TBC1D14: variants seen among roughly 807,000 people sequenced by gnomAD.
TBC1D14 encodes TBC1 domain family member 14.
Under a neutral mutation model 79.0 loss-of-function variants are expected in TBC1D14, and 26 were observed. That is an observed-to-expected ratio of 0.33 (90% confidence interval 0.24 to 0.46). The LOEUF (loss-of-function observed/expected upper bound fraction) is 0.46. TBC1D14 is among the 20% of genes least tolerant of loss of function. The pLI is 1.00. For missense variants in TBC1D14, 769 were observed against 887.6 expected, an observed-to-expected ratio of 0.87 and a Z score of 1.70; for synonymous variants, 394 against 349.9, an observed-to-expected ratio of 1.13 and a Z score of -1.40.
intron 3 of TBC1D14, among the ~76,000 whole-genome samples, chr4:6,972,749 CTT>C (rs1270660906): frequency 6.6e-6 from 1 of 152,222 alleles, no homozygotes; most frequent in Non-Finnish European, 1.5e-5. Flanking sequence ...TATTCTCTCT[CTT>C]GGACACCCCT....
intron 12 of TBC1D14, among the ~76,000 whole-genome samples, chr4:7,016,539 T>C (rs1024951365): frequency 6.6e-6 from 1 of 152,240 alleles, no homozygotes; most frequent in African/African-American, 2.4e-5. Context: ...GATTAGTTTC[T>C]TAGGATTCTA....
At chr4:7,024,983 A>G in intron 12 of TBC1D14, 21 bp from the exon 13 acceptor site, 1 of 1,610,496 alleles carries the variant, frequency 6.2e-7, no homozygotes, top group Non-Finnish European at 8.5e-7. Flanking sequence ...AATCTGAAAA[A>G]TTCCAACTTT....
intron 2 of TBC1D14, among the ~76,000 whole-genome samples, chr4:6,964,315 C>T (rs757274687): frequency 4.6e-5 from 7 of 152,168 alleles, no homozygotes; most frequent in African/African-American, 9.7e-5. Context: ...CCCCACACTC[C>T]GCGGCTTCTG....
At chr4:6,998,316 C>T (rs1719278934) in intron 5 of TBC1D14, among the ~76,000 whole-genome samples, 1 of 149,970 alleles carries the variant, frequency 6.7e-6, no homozygotes, top group Non-Finnish European at 1.5e-5. Context: ...GCCAAGATTG[C>T]ATCACTGCAC....
chr4:6,967,498 G>A, intron 3 of TBC1D14, 74 bp downstream of exon 3: 2 of 1,544,804 alleles, frequency 1.3e-6, no homozygotes, highest in South Asian at 2.4e-5. Context: ...TTGCAAAAAT[G>A]ACCATATTGA....
intron 1 of TBC1D14, among the ~76,000 whole-genome samples, chr4:6,923,069 C>T (rs1326864938): frequency 3.9e-5 from 6 of 152,170 alleles, no homozygotes; most frequent in South Asian, 2.1e-4. Context: ...GGCGTGGAAG[C>T]GCATGCCTGT....
intron 5 of TBC1D14, chr4:6,998,853 C>T: frequency 2.1e-6 from 1 of 473,190 alleles, no homozygotes; most frequent in Non-Finnish European, 3.8e-6. Flanking sequence ...GAATCGTATT[C>T]TTCTTTGTGT....
chr4:6,949,295 T>G (rs1713793520), intron 2 of TBC1D14, among the ~76,000 whole-genome samples: 1 of 152,178 alleles, frequency 6.6e-6, no homozygotes, highest in Admixed American at 6.5e-5. Flanking sequence ...CTATATAGAT[T>G]TTAGAATCAG....
At chr4:7,021,199 C>G (rs1301307631) in intron 12 of TBC1D14, among the ~76,000 whole-genome samples, 1 of 152,226 alleles carries the variant, frequency 6.6e-6, no homozygotes, top group Non-Finnish European at 1.5e-5. Flanking sequence ...TCAGCAAAAA[C>G]TGCCCCTTTC....
chr4:7,011,450 A>G (rs1720763232), intron 11 of TBC1D14, among the ~76,000 whole-genome samples: 1 of 152,284 alleles, frequency 6.6e-6, no homozygotes, highest in African/African-American at 2.4e-5. Flanking sequence ...TGGTAAGTGG[A>G]GGAGCTGAGA....
chr4:6,923,261 T>C (rs1724008253), intron 1 of TBC1D14, 112 bp from the exon 2 acceptor site: 4 of 1,290,882 alleles, frequency 3.1e-6, no homozygotes, highest in Non-Finnish European at 3.1e-6. Flanking sequence ...ATGTGGAACC[T>C]TTTCAAGGCT....
intron 3 of TBC1D14, among the ~76,000 whole-genome samples, chr4:6,993,093 C>T (rs1718671452): frequency 6.6e-6 from 1 of 152,192 alleles, no homozygotes; most frequent in African/African-American, 2.4e-5. Flanking sequence ...CGCCTCTTGA[C>T]AGCTAGTTTC....
chr4:6,952,622 C>T (rs1714144170), intron 2 of TBC1D14, among the ~76,000 whole-genome samples: 1 of 152,234 alleles, frequency 6.6e-6, no homozygotes, highest in Non-Finnish European at 1.5e-5. Context: ...GCTTCTCATC[C>T]TGTGCCTCTC....
At chr4:6,972,415 G>A (rs1040760946) in intron 3 of TBC1D14, among the ~76,000 whole-genome samples, 1 of 152,154 alleles carries the variant, frequency 6.6e-6, no homozygotes, top group African/African-American at 2.4e-5. Flanking sequence ...TTGGCCATCA[G>A]CAGCATTACC....
intron 2 of TBC1D14, among the ~76,000 whole-genome samples, chr4:6,941,884 A>G (rs946350536): frequency 3.9e-5 from 6 of 152,188 alleles, no homozygotes; most frequent in African/African-American, 1.4e-4. Flanking sequence ...GTCCTTTGCC[A>G]GCCCACCTTC....
chr4:7,011,549 TTTTTGTTTTG>T (rs745477966), intron 11 of TBC1D14, among the ~76,000 whole-genome samples: 1 of 152,086 alleles, frequency 6.6e-6, no homozygotes, highest in African/African-American at 2.4e-5. Context: ...TTTTTTGTTT[TTTTTGTTTTG>T]TTTTGTTTTG....
At chr4:7,014,317 CCATT>C (rs1264938095) in intron 11 of TBC1D14, 127 bp from the exon 12 acceptor site, 8 of 605,836 alleles carry the variant, frequency 1.3e-5, no homozygotes, top group East Asian at 5.7e-5. Context: ...CAATAAGTTG[CCATT>C]CAAAGTGTAT....
At position 7,032,792 on chromosome 4, in the gene TBC1D14, C is replaced by T. The variant is rs914339388; in HGVS notation, c.*2400C>T. On this transcript the variant is annotated 3_prime_UTR_variant, in exon 14 of 14. Transcript: ENST00000409757. ...CTCCAGAGGTCTGCACACTCCACTT[C>T]ACATGCCGTTGACTCTCACAGTCTA... 2.6e-5 allele frequency: 4 copies of T among 152,244 alleles called. No homozygotes were observed. The highest frequency in any genetic ancestry group is 9.6e-5 in the African/African-American group (4 of 41,456). 9.4% of individuals were successfully genotyped at this position (152,244 alleles called of 1,614,324 possible).
chr4:6,989,758 C>G (rs1028631014), intron 3 of TBC1D14, among the ~76,000 whole-genome samples: 3 of 151,994 alleles, frequency 2.0e-5, no homozygotes, highest in African/African-American at 7.3e-5. Flanking sequence ...CATGCAGAGC[C>G]CTCTGCATGA....
Sources: allele counts gnomAD v4.1 joint callset (sites outside exome capture counted in the v4.1 genomes callset), GRCh38; gene constraint gnomAD v4.1.1; transcripts MANE v1.5; gene names NCBI Gene and HGNC (gene_info 2026-07-23, HGNC 2026-07-21).